The following SCFD2 variants were observed in gnomAD, a reference collection of about 807,000 sequenced individuals.
SCFD2 encodes sec1 family domain containing 2.
SCFD2 carries 54 observed loss-of-function variants against 58.9 expected under a neutral mutation model. The observed-to-expected ratio is 0.92, with a 90% CI of 0.74 to 1.15. The LOEUF is 1.15. Among genes scored for constraint, SCFD2 ranks in the 50% most tolerant of loss-of-function variants. SCFD2 has a pLI of 0.00. For missense variants in SCFD2, 805 were observed against 836.6 expected (o/e 0.96, Z 0.47); for synonymous variants, 321 against 335.9 (o/e 0.96, Z 0.49).
chr4:52,968,068 C>G (rs1721002948), intron 5 of SCFD2, among the ~76,000 whole-genome samples: 2 of 152,202 alleles, frequency 1.3e-5, no homozygotes, highest in Non-Finnish European at 2.9e-5. Flanking sequence ...CACAACAGTC[C>G]TTTGGCCTGT....
At chr4:53,103,241 T>C (rs1412904249) in intron 5 of SCFD2, among the ~76,000 whole-genome samples, 3 of 152,104 alleles carry the variant, frequency 2.0e-5, no homozygotes, top group East Asian at 3.9e-4. Flanking sequence ...CAAAGGGCTC[T>C]GGATATAACA....
At chr4:52,888,228 T>C (rs750436894) in intron 7 of SCFD2, among the ~76,000 whole-genome samples, 10 of 152,066 alleles carry the variant, frequency 6.6e-5, no homozygotes, top group African/African-American at 2.2e-4. Flanking sequence ...TTCCAAGTTA[T>C]GTAAGTTATT....
rs543651326 is a variant in SCFD2 at position 53,287,339 on chromosome 4, C to T, written c.1136-13338G>A. 1.2e-4 allele frequency among the ~76,000 whole-genome samples: 19 copies of T among 152,276 alleles called. No homozygotes were observed. The East Asian group carries it at 2.9e-3, about 23-fold the overall frequency. ...GTCAGACCTGGCACCAAGAAGGATA[C>T]GCTCAGCTAAGTCTCCCAACTGTGG... On this transcript the variant is annotated intron_variant, in intron 3 of 8. Coordinates refer to ENST00000401642, the MANE Select transcript of SCFD2 (RefSeq NM_152540.4).
At chr4:53,196,253 A>C (rs910280145) in intron 4 of SCFD2, among the ~76,000 whole-genome samples, 4 of 152,150 alleles carry the variant, frequency 2.6e-5, no homozygotes, top group Non-Finnish European at 4.4e-5. Context: ...TAGTCTTCAC[A>C]ATGCTACATT....
chr4:52,920,231 C>T (rs531626866), intron 6 of SCFD2, among the ~76,000 whole-genome samples: 1 of 152,336 alleles, frequency 6.6e-6, no homozygotes, highest in East Asian at 1.9e-4. Flanking sequence ...CTTAGGTCCT[C>T]CTGCCCTCCT....
chr4:53,096,911 C>A (rs908375360), intron 5 of SCFD2, among the ~76,000 whole-genome samples: 93 of 152,124 alleles, frequency 6.1e-4, no homozygotes, highest in Non-Finnish European at 1.2e-3. Context: ...AGGAAGGGAT[C>A]CAGTTTCAGC....
intron 2 of SCFD2, among the ~76,000 whole-genome samples, chr4:53,326,703 C>T (rs1472829914): frequency 1.3e-5 from 2 of 152,076 alleles, no homozygotes; most frequent in African/African-American, 4.8e-5. Context: ...TGTCAAGTAC[C>T]AAGATCAAAA....
chr4:53,114,038 C>T (rs1208837220), intron 5 of SCFD2, among the ~76,000 whole-genome samples: 1 of 152,084 alleles, frequency 6.6e-6, no homozygotes, highest in East Asian at 1.9e-4. Flanking sequence ...GATTTGAATC[C>T]TGGCTCCACC....
intron 4 of SCFD2, among the ~76,000 whole-genome samples, chr4:53,204,919 A>G (rs573229577): frequency 4.6e-5 from 7 of 152,016 alleles, no homozygotes; most frequent in African/African-American, 1.7e-4. Context: ...AAAATTCCCA[A>G]AGAAAATTAT....
Position 52,909,937 on chromosome 4 carries a change from C to G in SCFD2, c.1708-2346G>C, listed in dbSNP as rs530946726. 1.9e-4 allele frequency among the ~76,000 whole-genome samples: 29 copies of G among 152,316 alleles called. No homozygotes were observed. The South Asian group carries it at 5.6e-3, about 29-fold the overall frequency. The stretch of plus-strand genomic sequence containing the variant: ...CCCTGAGTAAACTGTTCTGAATGCT[C>G]TTCTATCACCTTAGCCTTTCTGGAC... On this transcript the variant is annotated intron_variant, in intron 6 of 8. Coordinates refer to ENST00000401642, the MANE Select transcript of SCFD2 (RefSeq NM_152540.4).
Position 53,287,157 on chromosome 4 carries a change from G to C in SCFD2, c.1136-13156C>G, listed in dbSNP as rs556823640. Among the ~76,000 whole-genome samples, 15 of 152,238 alleles carry C rather than the reference G, an allele frequency of 9.9e-5. No individual in the cohort carries two copies. In the South Asian group the frequency reaches 2.9e-3, roughly 29 times the overall value. ...ACTCACAGTCCCCAACTTTGTGGGA[G>C]AGTTTCATCTACCTGTGCTTCAGTT... is the stretch of plus-strand genomic sequence containing the variant. On this transcript the variant is annotated intron_variant, in intron 3 of 8. Coordinates refer to ENST00000401642, the MANE Select transcript of SCFD2 (RefSeq NM_152540.4).
intron 2 of SCFD2, among the ~76,000 whole-genome samples, chr4:53,319,071 A>G (rs977887023): frequency 1.2e-4 from 18 of 152,222 alleles, no homozygotes; most frequent in African/African-American, 4.3e-4. Context: ...AAAGAGAATC[A>G]ATTATGCAGA....
chr4:53,315,373 GC>G (rs560938378), intron 2 of SCFD2, among the ~76,000 whole-genome samples: 341 of 152,132 alleles, frequency 2.2e-3, no homozygotes, highest in Non-Finnish European at 3.8e-3. Flanking sequence ...TCTGTTGCAT[GC>G]CAAGGTGCAC....
At chr4:52,987,548 T>C (rs1721524791) in intron 5 of SCFD2, among the ~76,000 whole-genome samples, 1 of 152,200 alleles carries the variant, frequency 6.6e-6, no homozygotes, top group South Asian at 2.1e-4. Flanking sequence ...GGAGTGTCTC[T>C]TTAAACAGAG....
chr4:53,057,864 C>T (rs1377083182), intron 5 of SCFD2, among the ~76,000 whole-genome samples: 2 of 151,984 alleles, frequency 1.3e-5, no homozygotes, highest in East Asian at 1.9e-4. Flanking sequence ...CAAAATGTAA[C>T]GTTACCAACA....
intron 5 of SCFD2, among the ~76,000 whole-genome samples, chr4:52,924,264 A>G (rs2109489479): frequency 6.6e-6 from 1 of 152,314 alleles, no homozygotes; most frequent in Middle Eastern, 3.4e-3. Flanking sequence ...ATCCTAGATT[A>G]TACATGAAAG....
intron 3 of SCFD2, among the ~76,000 whole-genome samples, chr4:53,306,820 G>C (rs1024005495): frequency 3.9e-5 from 6 of 152,234 alleles, no homozygotes; most frequent in Non-Finnish European, 8.8e-5. Flanking sequence ...ATCAGATGTG[G>C]TTCCACAGAG....
At chr4:52,941,132 T>A (rs1438732323) in intron 5 of SCFD2, among the ~76,000 whole-genome samples, 1 of 152,110 alleles carries the variant, frequency 6.6e-6, no homozygotes, top group Non-Finnish European at 1.5e-5. Context: ...ACACCCCTTT[T>A]CAACACAGTT....
chr4:53,011,266 C>A (rs4864441), intron 5 of SCFD2, among the ~76,000 whole-genome samples: 2 of 151,842 alleles, frequency 1.3e-5, no homozygotes, highest in Non-Finnish European at 2.9e-5. Flanking sequence ...TTTTTCCCCC[C>A]CAAAGAAGTC....
Sources: gnomAD v4.1 joint callset for allele counts (sites outside exome capture counted in the v4.1 genomes callset) on GRCh38, gnomAD v4.1.1 for gene constraint, MANE v1.5 for transcripts, NCBI Gene and HGNC (gene_info 2026-07-23, HGNC 2026-07-21) for gene names.